Variants in DPP10 observed in about 807,000 individuals in gnomAD.
DPP10 encodes the protein inactive dipeptidyl peptidase 10.
Under a neutral mutation model 120.9 loss-of-function variants are expected in DPP10, and 33 were observed. The observed-to-expected ratio is 0.27, with a 90% CI of 0.21 to 0.37. The LOEUF (loss-of-function observed/expected upper bound fraction) is 0.37, where lower values mean the gene tolerates loss of function less well. DPP10 is among the 10% of genes least tolerant of loss of function. DPP10 has a pLI of 1.00. For synonymous variants in DPP10, 337 were observed against 326.1 expected (o/e 1.03, Z -0.36); for missense variants, 816 against 942.8 (o/e 0.87, Z 1.76).
chr2:114,922,861 A>T (rs1558882796), intron 1 of DPP10, among the ~76,000 whole-genome samples: 1 of 152,172 alleles, frequency 6.6e-6, no homozygotes, highest in Non-Finnish European at 1.5e-5. Context: ...GCATTTATGT[A>T]CAAGTTTTAG....
intron 1 of DPP10, among the ~76,000 whole-genome samples, chr2:114,624,347 T>A (rs1694323907): frequency 6.6e-6 from 1 of 151,966 alleles, no homozygotes; most frequent in Non-Finnish European, 1.5e-5. Flanking sequence ...GTACTGGAAT[T>A]TTATTCTCTA....
At chr2:115,055,045 G>A (rs1705794203) in intron 1 of DPP10, among the ~76,000 whole-genome samples, 1 of 151,740 alleles carries the variant, frequency 6.6e-6, no homozygotes, top group Non-Finnish European at 1.5e-5. Flanking sequence ...CTTTTGAATT[G>A]CCCACTCTGC....
intron 19 of DPP10, among the ~76,000 whole-genome samples, chr2:115,807,156 G>A (rs1686080190): frequency 6.6e-6 from 1 of 152,148 alleles, no homozygotes; most frequent in African/African-American, 2.4e-5. Context: ...CACACTGTTA[G>A]AAATTATCTC....
At chr2:114,886,337 C>T (rs1574417599) in intron 1 of DPP10, among the ~76,000 whole-genome samples, 1 of 152,296 alleles carries the variant, frequency 6.6e-6, no homozygotes, top group South Asian at 2.1e-4. Context: ...AGACACAACA[C>T]TGGCAGCAGC....
chr2:114,538,228 A>G (rs1395902850), intron 1 of DPP10, among the ~76,000 whole-genome samples: 1 of 152,224 alleles, frequency 6.6e-6, no homozygotes, highest in Admixed American at 6.5e-5. Flanking sequence ...CTGACCTGGT[A>G]TCCAAGGGAT....
At chr2:114,899,642 C>G (rs1273805664) in intron 1 of DPP10, among the ~76,000 whole-genome samples, 1 of 152,090 alleles carries the variant, frequency 6.6e-6, no homozygotes. Context: ...TTTTCTTTAA[C>G]TTAAAAATAC....
chr2:115,716,093 A>G (rs1429253254), intron 7 of DPP10, among the ~76,000 whole-genome samples: 1 of 152,230 alleles, frequency 6.6e-6, no homozygotes, highest in Non-Finnish European at 1.5e-5. Flanking sequence ...ATTTCAGCTG[A>G]AGAATTTGGT....
At chr2:115,713,571 G>A (rs2092398166) in intron 7 of DPP10, among the ~76,000 whole-genome samples, 1 of 152,156 alleles carries the variant, frequency 6.6e-6, no homozygotes, top group South Asian at 2.1e-4. Context: ...CTTAGTTGCT[G>A]TGATGATGGG....
At chr2:114,847,625 T>C (rs1688643664) in intron 1 of DPP10, among the ~76,000 whole-genome samples, 1 of 152,192 alleles carries the variant, frequency 6.6e-6, no homozygotes, top group African/African-American at 2.4e-5. Flanking sequence ...AGAGATTACG[T>C]GAGTGTATCT....
intron 1 of DPP10, among the ~76,000 whole-genome samples, chr2:114,535,588 C>T (rs547320087): frequency 3.9e-5 from 6 of 152,300 alleles, no homozygotes; most frequent in Admixed American, 3.3e-4. Flanking sequence ...ACTTATGCTA[C>T]GAGCCCCTTA....
chr2:115,592,706 A>G (rs2149181068), intron 5 of DPP10, among the ~76,000 whole-genome samples: 1 of 152,276 alleles, frequency 6.6e-6, no homozygotes, highest in Admixed American at 6.5e-5. Flanking sequence ...CAGTGAGTCG[A>G]GATTGTGCCA....
chr2:115,183,097 C>T (rs927323135), intron 1 of DPP10, among the ~76,000 whole-genome samples: 39 of 152,154 alleles, frequency 2.6e-4, no homozygotes, highest in African/African-American at 9.2e-4. Context: ...TTTACTTTAA[C>T]ACTTCCCTTG....
chr2:115,603,569 T>TTTG (rs397687641), intron 5 of DPP10, among the ~76,000 whole-genome samples: 1 of 36,474 alleles, frequency 2.7e-5, no homozygotes, highest in African/African-American at 3.3e-4. Context: ...TGTTTTTTTT[T>TTTG]GTTTTTTTTT....
At chr2:115,327,216 A>G (rs945913796) in intron 2 of DPP10, among the ~76,000 whole-genome samples, 1 of 152,124 alleles carries the variant, frequency 6.6e-6, no homozygotes, top group Admixed American at 6.6e-5. Flanking sequence ...GCTGTATCTT[A>G]TAGCATAGAT....
intron 13 of DPP10, 148 bp from the exon 14 acceptor site, chr2:115,777,060 A>G (rs1682189104): frequency 7.7e-6 from 5 of 649,268 alleles, no homozygotes; most frequent in Non-Finnish European, 1.3e-5. Context: ...ATAGGAATGC[A>G]TGTTCATTCT....
intron 19 of DPP10, among the ~76,000 whole-genome samples, chr2:115,794,179 A>G (rs1559161841): frequency 6.6e-6 from 1 of 152,202 alleles, no homozygotes. Context: ...TTTTGGTGTC[A>G]GTACTTTATT....
At chr2:115,124,881 G>A (rs2049993359) in intron 1 of DPP10, among the ~76,000 whole-genome samples, 1 of 152,114 alleles carries the variant, frequency 6.6e-6, no homozygotes, top group South Asian at 2.1e-4. Flanking sequence ...GAGTTACTCT[G>A]ATTCTGTTCT....
chr2:115,102,098 C>T (rs576206938), intron 1 of DPP10, among the ~76,000 whole-genome samples: 1 of 152,232 alleles, frequency 6.6e-6, no homozygotes, highest in Non-Finnish European at 1.5e-5. Flanking sequence ...TATTTTCTCA[C>T]AGTTCCGGAG....
intron 19 of DPP10, among the ~76,000 whole-genome samples, chr2:115,795,777 A>T (rs1409869044): frequency 6.6e-6 from 1 of 152,148 alleles, no homozygotes; most frequent in Non-Finnish European, 1.5e-5. Flanking sequence ...TCATTTCCTC[A>T]AACAACTTGA....
Sources: gnomAD v4.1 joint callset for allele counts (sites outside exome capture counted in the v4.1 genomes callset) on GRCh38, gnomAD v4.1.1 for gene constraint, MANE v1.5 for transcripts, NCBI Gene and HGNC (gene_info 2026-07-23, HGNC 2026-07-21) for gene names.